The following OAS2 variants were observed in gnomAD, a reference collection of about 807,000 sequenced individuals.
OAS2 encodes the protein 2'-5'-oligoadenylate synthetase 2.
Under a neutral mutation model 71.3 loss-of-function variants are expected in OAS2, and 67 were observed. The observed-to-expected ratio is 0.94, with a 90% CI of 0.77 to 1.15. The LOEUF (loss-of-function observed/expected upper bound fraction) is 1.15, where lower values mean the gene tolerates loss of function less well. OAS2 is among the 50% of genes most tolerant of loss of function. The pLI is 0.00. For missense variants in OAS2, 789 were observed against 822.5 expected (o/e 0.96, Z 0.50); for synonymous variants, 327 against 321.8 (o/e 1.02, Z -0.17).
At chr12:112,984,647 T>G (rs980667503) in intron 1 of OAS2, among the ~76,000 whole-genome samples, 1 of 152,246 alleles carries the variant, frequency 6.6e-6, no homozygotes, top group Non-Finnish European at 1.5e-5. Context: ...CTTTGTTCTT[T>G]TCTTTCTCTT....
At position 113,009,387 on chromosome 12, in the gene OAS2, C is replaced by A. The variant is rs535185128; in HGVS notation, c.*132C>A. On this transcript the variant is annotated 3_prime_UTR_variant, in exon 10 of 10. Transcript: ENST00000392583. ...ACAGGAGCTTAAACAGCTGGTCAGC[C>A]CCCTAAGCCCCCACTACAAGTGATC... is the stretch of plus-strand genomic sequence containing the variant. 8 of 1,491,606 alleles carry A rather than the reference C, an allele frequency of 5.4e-6. No individual in the cohort carries two copies. The African/African-American group carries it at 1.2e-4, about 22-fold the overall frequency. 92.4% of individuals were successfully genotyped at this position (1,491,606 alleles called of 1,614,324 possible).
intron 1 of OAS2, among the ~76,000 whole-genome samples, chr12:112,984,274 C>T (rs926582239): frequency 6.6e-6 from 1 of 152,138 alleles, no homozygotes; most frequent in Non-Finnish European, 1.5e-5. Context: ...TATACACATA[C>T]TTATATCCTC....
rs2044053827 is a variant in OAS2 at position 112,978,905 on chromosome 12, G to T, written c.177+120G>T. Reference sequence around the variant, plus strand: ...GAGGCCCACACTTGGGTGGGATGTGGTGTAGGAGTCTCAGGCTCTGGAGCA... The same window carrying T: ...GAGGCCCACACTTGGGTGGGATGTGTTGTAGGAGTCTCAGGCTCTGGAGCA... On this transcript the variant is annotated intron_variant, in intron 1 of 9. Coordinates refer to ENST00000392583, the MANE Select transcript of OAS2 (RefSeq NM_002535.3). This position sits in a 1 kb window ranked among gnomAD's most constrained non-coding sequence, Gnocchi z 4.2. 4.2e-6 allele frequency: 4 copies of T among 943,110 alleles called. No individual in the cohort carries two copies. In the East Asian group the frequency reaches 1.1e-4, roughly 25 times the overall value. The allele number at this position is 943,110 out of a possible 1,614,324, so 58.4% of individuals were successfully genotyped here. A position where few individuals can be genotyped will look rare whatever the true frequency, so the allele number is the denominator to read the frequency against.
At chr12:112,997,496 T>C in intron 3 of OAS2, 24 bp from the exon 4 acceptor site, 1 of 1,597,542 alleles carries the variant, frequency 6.3e-7, no homozygotes, top group Non-Finnish European at 8.6e-7. Context: ...CCCAATGAGC[T>C]GCTACCCTTT....
At chr12:113,008,006 C>A in intron 9 of OAS2, 63 bp downstream of exon 9, 1 of 1,175,362 alleles carries the variant, frequency 8.5e-7, no homozygotes, top group Non-Finnish European at 1.3e-6. Context: ...TCTCAGCAAC[C>A]TGGATTTTCC....
At chr12:112,984,690 G>T (rs1056514239) in intron 1 of OAS2, among the ~76,000 whole-genome samples, 2 of 152,072 alleles carry the variant, frequency 1.3e-5, no homozygotes, top group Admixed American at 1.3e-4. Context: ...TGGGGGTTTT[G>T]TAATGATAAC....
Position 113,009,161 on chromosome 12 carries a change from C to A in OAS2, c.1970C>A (p.Ala657Glu), listed in dbSNP as rs765166365. The A allele has an allele frequency of 1.9e-6, 3 of 1,613,836 alleles. No homozygotes were observed. The African/African-American group carries it at 4.0e-5, about 22-fold the overall frequency. The change falls in exon 10 of 10, where the codon GCA becomes GAA. Residue 657 changes from alanine (A) to glutamate (E), a missense_variant. Ala to Glu is a moderately radical substitution (Grantham distance 107). Transcript: ENST00000392583. ...GGDRWCWHLL[A>E]KEAKEWLSSP... ...GACCGTTGGTGTTGGCATCTTCTGG[C>A]AAAAGAAGCAAAGGAATGGTTATCC...
rs942394938 is a variant in OAS2 at position 113,009,496 on chromosome 12, C to T, written c.*241C>T. On this transcript the variant is annotated 3_prime_UTR_variant, in exon 10 of 10. Coordinates refer to ENST00000392583, the MANE Select transcript of OAS2 (RefSeq NM_002535.3). ...CTACCCAGTAGATGCCACTAGCCCT[C>T]CTCTCCCAGTGACAACCAAAAGTCT... The T allele has an allele frequency of 4.1e-6, 5 of 1,209,168 alleles. No individual in the cohort carries two copies. Among genetic ancestry groups the T allele is most frequent in the Admixed American group, 4.2e-5 (1 of 24,028 alleles). 74.9% of individuals were successfully genotyped at this position (1,209,168 alleles called of 1,614,324 possible). A position where few individuals can be genotyped will look rare whatever the true frequency, so the allele number is the denominator to read the frequency against.
In OAS2 at chr12:112,995,359, A is replaced by C. The variant is rs746463905; in HGVS notation, c.512A>C (p.Asn171Thr). The C allele has an allele frequency of 6.2e-7, 1 of 1,614,116 alleles. No individual in the cohort carries two copies. Residue 171 changes from asparagine to threonine, a missense_variant, in exon 3 of 10, where the codon AAT (asparagine) becomes ACT (threonine). By Grantham distance (65) the Asn-to-Thr change is moderately conservative. Transcript: ENST00000392583. ...RELKRSLDKT[N>T]ASPGEFAVCF... ...CTCAAAAGATCCTTGGATAAGACAA[A>C]TGCCAGTCCTGGTGAGTTTGCAGTC...
In OAS2 at chr12:113,010,887, T is replaced by C. The variant is rs2044374874; in HGVS notation, c.*1632T>C. 1 of 158,870 alleles carries C rather than the reference T, an allele frequency of 6.3e-6. No homozygotes were observed. Among genetic ancestry groups the C allele is most frequent in the African/African-American group, 2.4e-5 (1 of 41,534 alleles). The allele number at this position is 158,870 out of a possible 1,614,324, so 9.8% of individuals were successfully genotyped here. On this transcript the variant is annotated 3_prime_UTR_variant, in exon 10 of 10. Coordinates refer to ENST00000392583, the MANE Select transcript of OAS2 (RefSeq NM_002535.3). ...TCCAACTCATCCACGTCCTGTCTGT[T>C]TCCTCTGTATACAAAACCCTTTCTG...
Position 113,009,501 on chromosome 12 carries a change from C to T in OAS2, c.*246C>T, listed in dbSNP as rs771262523. On this transcript the variant is annotated 3_prime_UTR_variant, in exon 10 of 10. Coordinates refer to ENST00000392583, the MANE Select transcript of OAS2 (RefSeq NM_002535.3). ...CAGTAGATGCCACTAGCCCTCCTCT[C>T]CCAGTGACAACCAAAAGTCTTCAGA... 52 of 1,194,090 alleles carry T rather than the reference C, an allele frequency of 4.4e-5. No individual in the cohort carries two copies. Among genetic ancestry groups the T allele is most frequent in the Non-Finnish European group, 5.1e-5 (49 of 963,080 alleles). The allele number at this position is 1,194,090 out of a possible 1,614,324, so 74.0% of individuals were successfully genotyped here. A position where few individuals can be genotyped will look rare whatever the true frequency, so the allele number is the denominator to read the frequency against.
intron 8 of OAS2, among the ~76,000 whole-genome samples, chr12:113,006,937 G>A (rs1408800718): frequency 2.6e-5 from 4 of 152,140 alleles, no homozygotes; most frequent in Admixed American, 6.6e-5. Flanking sequence ...GCTTCCCGGC[G>A]CACATGCTCT....
chr12:112,984,203 C>T (rs1228064185), intron 1 of OAS2, among the ~76,000 whole-genome samples: 3 of 152,184 alleles, frequency 2.0e-5, no homozygotes, highest in African/African-American at 4.8e-5. Context: ...AGTGCTCTAC[C>T]GTTGGGTGGT....
intron 5 of OAS2, among the ~76,000 whole-genome samples, chr12:113,000,748 C>G (rs1027801367): frequency 1.1e-4 from 16 of 152,150 alleles, no homozygotes; most frequent in African/African-American, 3.6e-4. Flanking sequence ...CACACATGCA[C>G]TCATACCACG....
At chr12:113,005,918 CAAAAAA>C (rs138299398) in intron 7 of OAS2, among the ~76,000 whole-genome samples, 19 of 49,042 alleles carry the variant, frequency 3.9e-4, no homozygotes, top group African/African-American at 1.6e-3. Context: ...ACAACAACAA[CAAAAAA>C]AAAAAAAAAA....
At chr12:112,993,262 CT>C (rs1298086333) in intron 2 of OAS2, among the ~76,000 whole-genome samples, 4 of 152,202 alleles carry the variant, frequency 2.6e-5, no homozygotes, top group Non-Finnish European at 4.4e-5. Context: ...AACTCTCCCC[CT>C]AGGGCCTTTG....
At chr12:113,003,624 C>T (rs1352891783) in intron 6 of OAS2, among the ~76,000 whole-genome samples, 1 of 152,140 alleles carries the variant, frequency 6.6e-6, no homozygotes, top group Non-Finnish European at 1.5e-5. Flanking sequence ...ATCTCCTTCT[C>T]CTTTGAGTGA....
intron 2 of OAS2, chr12:112,988,672 T>C: frequency 1.0e-6 from 1 of 985,474 alleles, no homozygotes; most frequent in South Asian, 4.7e-5. Flanking sequence ...CACATTCCAA[T>C]TTTAATGACA....
At chr12:112,997,856 G>A (rs2136387810) in intron 4 of OAS2, 101 bp downstream of exon 4, 1 of 995,224 alleles carries the variant, frequency 1.0e-6, no homozygotes, top group Non-Finnish European at 1.4e-6. Context: ...AGCCAGTGCT[G>A]GACCAGAAGA....
Sources: gnomAD v4.1 joint callset for allele counts (sites outside exome capture counted in the v4.1 genomes callset) on GRCh38, gnomAD v4.1.1 for gene constraint, Gnocchi (gnomAD v3.1) non-coding constraint, MANE v1.5 for transcripts, NCBI Gene and HGNC (gene_info 2026-07-23, HGNC 2026-07-21) for gene names.